PLD5: variants seen among roughly 807,000 people sequenced by gnomAD.
The protein encoded by PLD5 is phospholipase D family member 5.
A neutral mutation model predicts 61.1 loss-of-function variants in PLD5; 36 were observed. That is an observed-to-expected ratio of 0.59 (90% CI 0.45 to 0.78). The LOEUF (loss-of-function observed/expected upper bound fraction) is 0.78. Ranked by LOEUF, PLD5 falls within the 30% of genes least tolerant of loss-of-function variation. PLD5 has a pLI of 0.00. For missense variants in PLD5, 515 were observed against 644.4 expected (o/e 0.80, Z 2.17); for synonymous variants, 243 against 242.8 (o/e 1.00, Z -0.01).
chr1:242,479,832 A>T (rs939412392), intron 1 of PLD5, among the ~76,000 whole-genome samples: 10 of 151,834 alleles, frequency 6.6e-5, no homozygotes, highest in Non-Finnish European at 1.5e-4. Flanking sequence ...TCACAAGGTC[A>T]GGAGATCGAG....
intron 2 of PLD5, among the ~76,000 whole-genome samples, chr1:242,326,474 C>T (rs1451417170): frequency 6.6e-6 from 1 of 151,982 alleles, no homozygotes; most frequent in Non-Finnish European, 1.5e-5. Flanking sequence ...CTTCTTTAGT[C>T]TAATCAAAAT....
chr1:242,352,126 T>C (rs1660511619), intron 1 of PLD5, among the ~76,000 whole-genome samples: 1 of 152,210 alleles, frequency 6.6e-6, no homozygotes, highest in South Asian at 2.1e-4. Context: ...CTATATTCAC[T>C]ATGCTATGCA....
intron 1 of PLD5, among the ~76,000 whole-genome samples, chr1:242,475,617 A>ATAC (rs1236988254): frequency 6.6e-6 from 1 of 152,046 alleles, no homozygotes; most frequent in African/African-American, 2.4e-5. Flanking sequence ...GACTCTAAAC[A>ATAC]TACTGTCATG....
intron 4 of PLD5, among the ~76,000 whole-genome samples, chr1:242,245,228 G>A (rs939282280): frequency 1.3e-5 from 2 of 152,164 alleles, no homozygotes; most frequent in Non-Finnish European, 2.9e-5. Context: ...TACATGTAAG[G>A]AAACATCAAA....
At chr1:242,400,236 C>A (rs1292575582) in intron 1 of PLD5, among the ~76,000 whole-genome samples, 1 of 151,236 alleles carries the variant, frequency 6.6e-6, no homozygotes, top group African/African-American at 2.4e-5. Flanking sequence ...AGTTTCATCC[C>A]CAAACCATCC....
chr1:242,089,755 T>A lies in PLD5; in HGVS notation c.*99A>T. On this transcript the variant is annotated 3_prime_UTR_variant, in exon 10 of 10. Coordinates refer to ENST00000536534, the MANE Select transcript of PLD5 (RefSeq NM_001372062.1). ...GAATATTTTTTATAAGTGTGCTTTT[T>A]CCCTAAAAAAAGAGACATATTAAAG... 1 of 1,460,942 alleles carries A rather than the reference T, an allele frequency of 6.8e-7. No homozygotes were observed. Among genetic ancestry groups the A allele is most frequent in the Non-Finnish European group, 9.4e-7 (1 of 1,064,992 alleles). The allele number at this position is 1,460,942 out of a possible 1,614,324, so 90.5% of individuals were successfully genotyped here.
intron 1 of PLD5, among the ~76,000 whole-genome samples, chr1:242,357,980 G>A (rs1412781708): frequency 2.0e-5 from 3 of 151,520 alleles, no homozygotes; most frequent in Admixed American, 6.6e-5. Flanking sequence ...TACTGTCTTC[G>A]AGTTCATTCA....
intron 4 of PLD5, among the ~76,000 whole-genome samples, chr1:242,246,749 T>C (rs1386751533): frequency 6.6e-6 from 1 of 152,212 alleles, no homozygotes; most frequent in Non-Finnish European, 1.5e-5. Context: ...CAGAGGTTTA[T>C]TCTGAGCCAA....
chr1:242,307,404 A>G (rs908647948), intron 2 of PLD5, among the ~76,000 whole-genome samples: 11 of 152,178 alleles, frequency 7.2e-5, no homozygotes, highest in African/African-American at 2.7e-4. Context: ...AATCGCTGCC[A>G]CTTATTGAGA....
At chr1:242,480,320 A>G (rs1037473887) in intron 1 of PLD5, among the ~76,000 whole-genome samples, 1 of 152,210 alleles carries the variant, frequency 6.6e-6, no homozygotes, top group Non-Finnish European at 1.5e-5. Context: ...GAAGAAAAGA[A>G]ATAAACTTTA....
intron 5 of PLD5, among the ~76,000 whole-genome samples, chr1:242,126,193 C>G (rs1317898146): frequency 6.6e-6 from 1 of 152,174 alleles, no homozygotes; most frequent in African/African-American, 2.4e-5. Context: ...ACATCCCATG[C>G]TCATGGATGG....
intron 2 of PLD5, chr1:242,345,664 A>G: frequency 1.2e-6 from 1 of 809,390 alleles, no homozygotes; most frequent in Non-Finnish European, 2.2e-6. Flanking sequence ...ATCAACACTG[A>G]CCTAAAGCCC....
rs1353608255 is a variant in PLD5 at position 242,483,285 on chromosome 1, C to A, written c.189+40803G>T. On this transcript the variant is annotated intron_variant, in intron 1 of 9. Transcript: ENST00000536534. ...TGGCAAATTGGATAAAGAGTCAAGA[C>A]CCATCAGTGTGCTGTATTCAGGAAA... Among the ~76,000 whole-genome samples, 7 of 152,050 alleles carry A rather than the reference C, an allele frequency of 4.6e-5. No homozygotes were observed. In the East Asian group the frequency reaches 1.3e-3, roughly 29 times the overall value.
chr1:242,175,225 C>T (rs944140126), intron 5 of PLD5, among the ~76,000 whole-genome samples: 2 of 152,100 alleles, frequency 1.3e-5, no homozygotes, highest in Non-Finnish European at 2.9e-5. Context: ...AAACCAAATC[C>T]AGCAGCATAT....
chr1:242,126,681 C>T, intron 5 of PLD5, among the ~76,000 whole-genome samples: 1 of 152,184 alleles, frequency 6.6e-6, no homozygotes, highest in East Asian at 1.9e-4. Flanking sequence ...AAGGGCTTAA[C>T]TCTAAGACCT....
intron 2 of PLD5, among the ~76,000 whole-genome samples, chr1:242,341,396 C>T (rs574100720): frequency 1.4e-3 from 214 of 152,238 alleles, no homozygotes; most frequent in South Asian, 4.8e-3. Flanking sequence ...TATGCTGAAG[C>T]GGCAGCTGAG....
chr1:242,191,411 C>A (rs1178076912), intron 5 of PLD5, among the ~76,000 whole-genome samples: 3 of 151,998 alleles, frequency 2.0e-5, no homozygotes, highest in Admixed American at 1.3e-4. Flanking sequence ...CATGGTGAAA[C>A]CCCATCTCTA....
chr1:242,438,820 G>C (rs1024922997), intron 1 of PLD5, among the ~76,000 whole-genome samples: 1 of 152,120 alleles, frequency 6.6e-6, no homozygotes, highest in African/African-American at 2.4e-5. Flanking sequence ...CAATTTTCCT[G>C]TATCCTCCTT....
intron 5 of PLD5, among the ~76,000 whole-genome samples, chr1:242,130,817 C>T (rs12746625): frequency 0.072 from 10,886 of 151,988 alleles, 479 homozygotes; most frequent in South Asian, 0.16. Flanking sequence ...ATGGTTCAAC[C>T]GTTTGAAGAA....
Sources: gnomAD v4.1 joint callset for allele counts (sites outside exome capture counted in the v4.1 genomes callset) on GRCh38, gnomAD v4.1.1 for gene constraint, MANE v1.5 for transcripts, NCBI Gene and HGNC (gene_info 2026-07-23, HGNC 2026-07-21) for gene names.